The following AK5 variants were observed in gnomAD, a reference collection of about 807,000 sequenced individuals.
The protein encoded by AK5 is adenylate kinase 5.
A neutral mutation model predicts 69.5 loss-of-function variants in AK5; 27 were observed. That is an observed-to-expected ratio of 0.39 (90% CI 0.29 to 0.54). The LOEUF (loss-of-function observed/expected upper bound fraction) is 0.54, where lower values mean the gene tolerates loss of function less well. AK5 is among the 20% of genes least tolerant of loss of function. AK5 has a pLI of 0.71. For missense variants in AK5, 531 were observed against 700.4 expected (o/e 0.76, Z 2.73); for synonymous variants, 260 against 244.4 (o/e 1.06, Z -0.60).
chr1:77,506,159 G>T (rs1318390989), intron 10 of AK5, among the ~76,000 whole-genome samples: 2 of 152,120 alleles, frequency 1.3e-5, no homozygotes, highest in East Asian at 3.8e-4. Context: ...TGTGCTTGAT[G>T]AGCTGGGTCT....
At chr1:77,343,943 T>C (rs771122407) in intron 6 of AK5, among the ~76,000 whole-genome samples, 1 of 152,246 alleles carries the variant, frequency 6.6e-6, no homozygotes, top group East Asian at 1.9e-4. Context: ...GTAAAAACTT[T>C]AGACATAATT....
chr1:77,310,140 A>C (rs1659863182), intron 5 of AK5, among the ~76,000 whole-genome samples: 1 of 152,148 alleles, frequency 6.6e-6, no homozygotes, highest in Non-Finnish European at 1.5e-5. Context: ...ACTTTATTGC[A>C]TGTTTTGAAT....
chr1:77,524,777 T>C (rs1220537469), intron 12 of AK5, among the ~76,000 whole-genome samples: 1 of 151,922 alleles, frequency 6.6e-6, no homozygotes, highest in Non-Finnish European at 1.5e-5. Context: ...TTTACTTCTG[T>C]TGCCTGTGCT....
intron 10 of AK5, among the ~76,000 whole-genome samples, chr1:77,505,593 A>G (rs1485256147): frequency 6.6e-6 from 1 of 152,202 alleles, no homozygotes; most frequent in Non-Finnish European, 1.5e-5. Flanking sequence ...GAGGGCCGAC[A>G]TGGTGGTGCA....
intron 8 of AK5, among the ~76,000 whole-genome samples, chr1:77,470,875 ATTT>A (rs149758544): frequency 2.7e-5 from 2 of 74,968 alleles, no homozygotes; most frequent in African/African-American, 1.3e-4. Context: ...ATATATATAT[ATTT>A]TTTTTTTTTT....
intron 5 of AK5, among the ~76,000 whole-genome samples, chr1:77,331,927 G>C (rs1255123902): frequency 6.6e-6 from 1 of 152,032 alleles, no homozygotes; most frequent in Non-Finnish European, 1.5e-5. Flanking sequence ...GAGAAGTTGA[G>C]TTTTTCTAGA....
chr1:77,367,460 G>T (rs1265003789), intron 6 of AK5, among the ~76,000 whole-genome samples: 4 of 141,974 alleles, frequency 2.8e-5, no homozygotes, highest in African/African-American at 5.2e-5. Context: ...GTAGCTAGGC[G>T]CATGCACCAC....
chr1:77,315,694 G>A (rs1359397476), intron 5 of AK5, among the ~76,000 whole-genome samples: 2 of 152,088 alleles, frequency 1.3e-5, no homozygotes, highest in African/African-American at 2.4e-5. Context: ...TCCTATGTAG[G>A]CGACAGGTGA....
At chr1:77,424,462 G>C (rs1009085547) in intron 8 of AK5, among the ~76,000 whole-genome samples, 6 of 151,796 alleles carry the variant, frequency 4.0e-5, no homozygotes, top group African/African-American at 1.5e-4. Context: ...ATGCTGTGTT[G>C]CCCAGGCTGG....
At chr1:77,368,245 A>ATATATATGTTATATATAT (rs1553140334) in intron 6 of AK5, among the ~76,000 whole-genome samples, 4,420 of 67,788 alleles carry the variant, frequency 0.065, 514 homozygotes, top group Admixed American at 0.14. Context: ...ATATATATAT[A>ATATATATGTTATATATAT]TATATATAAT....
chr1:77,433,640 A>G (rs1651781842), intron 8 of AK5, among the ~76,000 whole-genome samples: 1 of 152,198 alleles, frequency 6.6e-6, no homozygotes, highest in African/African-American at 2.4e-5. Context: ...GAAAAAGTAA[A>G]TGCTTTCATT....
intron 6 of AK5, among the ~76,000 whole-genome samples, chr1:77,383,954 G>T (rs1386576627): frequency 6.6e-6 from 1 of 151,830 alleles, no homozygotes; most frequent in African/African-American, 2.4e-5. Context: ...ATAGAAAAAG[G>T]GTGGATGAAT....
chr1:77,458,495 T>G (rs1653636178), intron 8 of AK5, among the ~76,000 whole-genome samples: 1 of 152,144 alleles, frequency 6.6e-6, no homozygotes, highest in African/African-American at 2.4e-5. Context: ...ACTGATCAAT[T>G]TACAAAGGAA....
chr1:77,321,301 A>G (rs1570374149), intron 5 of AK5, among the ~76,000 whole-genome samples: 1 of 152,068 alleles, frequency 6.6e-6, no homozygotes, highest in Admixed American at 6.6e-5. Context: ...GTGAAACCCC[A>G]TCTCTACTAA....
At chr1:77,323,026 C>T (rs1570377385) in intron 5 of AK5, among the ~76,000 whole-genome samples, 1 of 151,594 alleles carries the variant, frequency 6.6e-6, no homozygotes, top group South Asian at 2.1e-4. Context: ...TTCGCTCTGT[C>T]ACCCAGGCTG....
At chr1:77,403,389 C>G (rs199848281) in intron 6 of AK5, among the ~76,000 whole-genome samples, 29,721 of 132,166 alleles carry the variant, frequency 0.22, 3,178 homozygotes, top group East Asian at 0.42. Context: ...TGTCCTGAAT[C>G]GTATTGCCTA....
chr1:77,383,869 G>C (rs1312614606), intron 6 of AK5, among the ~76,000 whole-genome samples: 1 of 151,856 alleles, frequency 6.6e-6, no homozygotes, highest in African/African-American at 2.4e-5. Flanking sequence ...TAAATATATG[G>C]GGTTTTTCAA....
chr1:77,426,349 C>A (rs1475017092), intron 8 of AK5, among the ~76,000 whole-genome samples: 1 of 152,068 alleles, frequency 6.6e-6, no homozygotes, highest in African/African-American at 2.4e-5. Flanking sequence ...TCAGACAGAG[C>A]AGAATTTAGA....
chr1:77,296,486 C>T (rs1004110710), intron 3 of AK5, among the ~76,000 whole-genome samples: 15 of 151,280 alleles, frequency 9.9e-5, no homozygotes, highest in African/African-American at 3.4e-4. Context: ...CTATTGCCTC[C>T]ATTAGTTGAC....
Sources: gnomAD v4.1 joint callset for allele counts (sites outside exome capture counted in the v4.1 genomes callset) on GRCh38, gnomAD v4.1.1 for gene constraint, MANE v1.5 for transcripts, NCBI Gene and HGNC (gene_info 2026-07-23, HGNC 2026-07-21) for gene names.